The following GOLGA2 variants were observed in gnomAD, a reference collection of about 807,000 sequenced individuals.
GOLGA2 encodes golgin subfamily A member 2.
GOLGA2 carries 49 observed loss-of-function variants against 148.8 expected under a neutral mutation model. The observed-to-expected ratio is 0.33, with a 90% CI of 0.26 to 0.42. GOLGA2 has a LOEUF of 0.42. GOLGA2 is among the 10% of genes least tolerant of loss of function. The probability of loss-of-function intolerance (pLI) is 1.00; values close to 1 mark genes in which losing one functional copy is unlikely to be tolerated. For synonymous variants in GOLGA2, 501 were observed against 511.8 expected (o/e 0.98, Z 0.28); for missense variants, 1,178 against 1,304.6 (o/e 0.90, Z 1.49).
At chr9:128,268,266 C>A (rs1830719617) in intron 4 of GOLGA2, 106 bp from the exon 5 acceptor site, 4 of 1,203,668 alleles carry the variant, frequency 3.3e-6, no homozygotes, top group Non-Finnish European at 4.9e-6. Context: ...TTCAATCTCC[C>A]CAGGCCTCAA....
Position 128,271,876 on chromosome 9 carries a change from G to A in GOLGA2, c.288+909C>T, listed in dbSNP as rs145782230. 1.6e-3 allele frequency among the ~76,000 whole-genome samples: 247 copies of A among 152,166 alleles called. 2 individuals are homozygous for A. In the East Asian group the frequency reaches 0.03, roughly 18 times the overall value. ...ATGAATATGGCTAAATGTCCATTTG[G>A]AGAGATTAGGGGCAGAACGTCTTGG... On this transcript the variant is annotated intron_variant, in intron 3 of 26. Transcript: ENST00000611957. The surrounding 1 kb of genome is among the most constrained non-coding windows in gnomAD (Gnocchi z 4.4).
intron 12 of GOLGA2, among the ~76,000 whole-genome samples, chr9:128,264,528 G>A (rs1263245240): frequency 6.6e-6 from 1 of 152,150 alleles, no homozygotes; most frequent in African/African-American, 2.4e-5. Flanking sequence ...CCGGGTTCAA[G>A]CAATTCTCCT....
In GOLGA2 at chr9:128,260,415, G is replaced by A; in HGVS notation, c.1758+50C>T. On this transcript the variant is annotated intron_variant, in intron 18 of 26. Coordinates refer to ENST00000611957, the MANE Select transcript of GOLGA2 (RefSeq NM_001366244.2). The surrounding 1 kb of genome is among the most constrained non-coding windows in gnomAD (Gnocchi z 4.8). Reference sequence around the variant, plus strand: ...CCCACTTTACAGGTGGGAAAACAAAGGTCTGGAGGGCTAGGGAGGAGGGCG... The same window carrying A: ...CCCACTTTACAGGTGGGAAAACAAAAGTCTGGAGGGCTAGGGAGGAGGGCG... The A allele has an allele frequency of 6.8e-7, 1 of 1,464,746 alleles. No homozygotes were observed. Among genetic ancestry groups the A allele is most frequent in the Non-Finnish European group, 9.5e-7 (1 of 1,056,596 alleles). The allele number at this position is 1,464,746 out of a possible 1,614,324, so 90.7% of individuals were successfully genotyped here.
intron 12 of GOLGA2, 31 bp downstream of exon 12, chr9:128,265,554 G>A (rs947779954): frequency 6.8e-7 from 1 of 1,477,612 alleles, no homozygotes. Flanking sequence ...AAGCCAGTAT[G>A]CCAGGGGACG....
intron 1 of GOLGA2, among the ~76,000 whole-genome samples, 193 bp downstream of exon 1, chr9:128,275,700 G>A (rs1360499013): frequency 6.6e-6 from 1 of 152,154 alleles, no homozygotes; most frequent in Non-Finnish European, 1.5e-5. Context: ...TCACCCGGGG[G>A]CGACTGGCGA....
At position 128,257,318 on chromosome 9, in the gene GOLGA2, C is replaced by T. The variant is rs571441470; in HGVS notation, c.2876-37G>A. On this transcript the variant is annotated intron_variant, in intron 26 of 26. Coordinates refer to ENST00000611957, the MANE Select transcript of GOLGA2 (RefSeq NM_001366244.2). This position sits in a 1 kb window ranked among gnomAD's most constrained non-coding sequence, Gnocchi z 8.0. ...GAGAGGCAGGGCTCTGAGTGCCACG[C>T]GAGCCCTCCCTTACTCCTGCCTGCC... is the stretch of plus-strand genomic sequence containing the variant. 142 of 1,611,506 alleles carry T rather than the reference C, an allele frequency of 8.8e-5. No homozygotes were observed. Among genetic ancestry groups the T allele is most frequent in the Middle Eastern group, 1.9e-4 (1 of 5,252 alleles).
chr9:128,269,334 G>A (rs1309260172), intron 3 of GOLGA2, among the ~76,000 whole-genome samples: 1 of 151,208 alleles, frequency 6.6e-6, no homozygotes, highest in African/African-American at 2.4e-5. Flanking sequence ...CTCTCTGGAG[G>A]TAAAAAGAGG....
In GOLGA2 at chr9:128,261,535, T is replaced by C; in HGVS notation, c.1251A>G (p.Gln417=). Reference sequence around the variant, plus strand: ...TCTCCGCATATTTATCTCTCTCCATTTGTAGTTGTCTAACCGACTCCATTA... The same window carrying C: ...TCTCCGCATATTTATCTCTCTCCATCTGTAGTTGTCTAACCGACTCCATTA... ...GQVMESVRQL[Q]MERDKYAENL... is the part of the protein sequence containing the mutation. Residue 417 remains glutamine, a synonymous_variant, in exon 16 of 27, where the codon CAA becomes CAG. Transcript: ENST00000611957. This position sits in a 1 kb window ranked among gnomAD's most constrained non-coding sequence, Gnocchi z 5.7. 1 of 1,609,046 alleles carries C rather than the reference T, an allele frequency of 6.2e-7. No homozygotes were observed. The highest frequency in any genetic ancestry group is 8.5e-7 in the Non-Finnish European group (1 of 1,175,320).
rs368123013 is a variant in GOLGA2, at chr9:128,260,741, C to A, written c.1482G>T (p.Ala494=). The A allele has an allele frequency of 1.2e-6, 2 of 1,613,040 alleles. No homozygotes were observed. Among genetic ancestry groups the A allele is most frequent in the Admixed American group, 1.7e-5 (1 of 60,012 alleles). ...GPSEVEQQLQ[A]EAEHLRKELE... is the part of the protein sequence containing the mutation. The stretch of plus-strand genomic sequence containing the variant: ...GCTCCTTCCGCAGGTGCTCAGCCTC[C>A]GCTTGTAGCTGCTGCTCCACCTCGG... Residue 494 remains alanine (A), a synonymous_variant, in exon 18 of 27, where the codon GCG becomes GCT. Transcript: ENST00000611957. The surrounding 1 kb of genome is among the most constrained non-coding windows in gnomAD (Gnocchi z 4.8).
chr9:128,260,083 T>C lies in GOLGA2; in HGVS notation c.1865A>G (p.Lys622Arg). ...TGGATGGGGCGGGGTTACCGTTTCC[T>C]TCAGCTCGCTCAGCTTCTCCTGCAG... ...GELQEKLSEL[K>R]ETVELKSQEA... Residue 622 changes from lysine (K) to arginine (R), a missense_variant, in exon 19 of 27, where the codon AAG becomes AGG. Physicochemically the swap from Lys to Arg is conservative, Grantham distance 26. This residue lies in a region of GOLGA2 where 529 missense variants were observed against 521.8 expected (regional missense o/e 1.01). Transcript: ENST00000611957. The surrounding 1 kb of genome is among the most constrained non-coding windows in gnomAD (Gnocchi z 4.8). 1 of 1,607,858 alleles carries C rather than the reference T, an allele frequency of 6.2e-7. No homozygotes were observed. The highest frequency in any genetic ancestry group is 1.1e-5 in the South Asian group (1 of 91,036).
At chr9:128,268,839 G>A (rs2131375189) in intron 3 of GOLGA2, among the ~76,000 whole-genome samples, 1 of 152,342 alleles carries the variant, frequency 6.6e-6, no homozygotes, top group Non-Finnish European at 1.5e-5. Context: ...GGAGGAAGGT[G>A]TGCCAAAGTC....
intron 19 of GOLGA2, 38 bp from the exon 20 acceptor site, chr9:128,259,429 CTGCT>C: frequency 7.4e-7 from 1 of 1,343,380 alleles, no homozygotes; most frequent in Non-Finnish European, 1.0e-6. Context: ...AGGTGGTGGC[CTGCT>C]TCCAGATTCA....
Position 128,273,896 on chromosome 9 carries a change from C to T in GOLGA2, c.161G>A (p.Ser54Asn). The T allele has an allele frequency of 1.2e-6, 2 of 1,613,986 alleles. No homozygotes were observed. The highest frequency in any genetic ancestry group is 1.7e-6 in the Non-Finnish European group (2 of 1,179,842). The change falls in exon 2 of 27, where the codon AGT (serine) becomes AAT (asparagine). Residue 54 changes from serine to asparagine, a missense_variant. Around this residue, in one of 5 missense-constraint regions of GOLGA2, gnomAD observed 158 missense variants for 156.6 expected, o/e 1.01. Coordinates refer to ENST00000611957, the MANE Select transcript of GOLGA2 (RefSeq NM_001366244.2). ...ACCAGAAGTGGTTGTCTCAGGGTTA[C>T]TGCCATTTTTTATTTTCTTCTTCTT... Reference protein sequence around the residue: ...AKKKKKIKNGSNPETTTSGGC... With the variant: ...AKKKKKIKNGNNPETTTSGGC...
In GOLGA2 at chr9:128,260,441, G is replaced by A. The variant is rs772487366; in HGVS notation, c.1758+24C>T. 2.3e-5 allele frequency: 36 copies of A among 1,568,742 alleles called. No individual in the cohort carries two copies. The highest frequency in any genetic ancestry group is 3.0e-5 in the Non-Finnish European group (34 of 1,144,096). On this transcript the variant is annotated intron_variant, in intron 18 of 26. Transcript: ENST00000611957. This position sits in a 1 kb window ranked among gnomAD's most constrained non-coding sequence, Gnocchi z 4.8. The stretch of plus-strand genomic sequence containing the variant: ...GTCTGGAGGGCTAGGGAGGAGGGCG[G>A]GCTCTCCAGGTGGGGCAGCGCACCA...
At position 128,258,863 on chromosome 9, in the gene GOLGA2, T is replaced by C. The variant is rs933285089; in HGVS notation, c.2173+144A>G. ...GCCCTGCTCCCAGGAAGTCACCATA[T>C]TGATGCCGAACTTAGTGTGGACACC... On this transcript the variant is annotated intron_variant, in intron 21 of 26. Transcript: ENST00000611957. This position sits in a 1 kb window ranked among gnomAD's most constrained non-coding sequence, Gnocchi z 6.6. The C allele has an allele frequency of 5.9e-5, 40 of 677,944 alleles. No homozygotes were observed. In the African/African-American group the frequency reaches 6.2e-4, roughly 11 times the overall value. The allele number at this position is 677,944 out of a possible 1,614,324, so 42.0% of individuals were successfully genotyped here.
chr9:128,268,306 G>A (rs184479424), intron 4 of GOLGA2, 114 bp downstream of exon 4: 8 of 1,037,294 alleles, frequency 7.7e-6, no homozygotes, highest in African/African-American at 1.6e-5. Context: ...GCCTTCCCCC[G>A]GCCCGGTCCC....
Position 128,259,193 on chromosome 9 carries a change from C to T in GOLGA2, c.2071G>A (p.Ala691Thr). The T allele has an allele frequency of 6.3e-7, 1 of 1,584,234 alleles. No individual in the cohort carries two copies. Among genetic ancestry groups the T allele is most frequent in the Non-Finnish European group, 8.6e-7 (1 of 1,166,322 alleles). The change falls in exon 20 of 27, where the codon GCC (alanine) becomes ACC (threonine). Residue 691 changes from alanine (A) to threonine (T), a missense_variant. Coordinates refer to ENST00000611957, the MANE Select transcript of GOLGA2 (RefSeq NM_001366244.2). ...EAQGKAVAEM[A>T]RQELQETQER... ...TGGGTTTCCTGCAACTCTTGGCGGG[C>T]CATCTCGGCCACCGCTTTGCCCTGA...
In GOLGA2 at chr9:128,257,018, C is replaced by T; in HGVS notation, c.*49G>A. 1 of 1,370,764 alleles carries T rather than the reference C, an allele frequency of 7.3e-7. No homozygotes were observed. The highest frequency in any genetic ancestry group is 1.2e-5 in the South Asian group (1 of 80,760). The allele number at this position is 1,370,764 out of a possible 1,614,324, so 84.9% of individuals were successfully genotyped here. Reference sequence around the variant, plus strand: ...AGGGATGGTAGGGATATGGTGGGGGCAGGGTATCCAGCCCCACTTCTTCAG... The same window carrying T: ...AGGGATGGTAGGGATATGGTGGGGGTAGGGTATCCAGCCCCACTTCTTCAG... On this transcript the variant is annotated 3_prime_UTR_variant, in exon 27 of 27. Coordinates refer to ENST00000611957, the MANE Select transcript of GOLGA2 (RefSeq NM_001366244.2). This position sits in a 1 kb window ranked among gnomAD's most constrained non-coding sequence, Gnocchi z 8.0.
chr9:128,270,837 G>T (rs1051513240), intron 3 of GOLGA2, among the ~76,000 whole-genome samples: 2 of 152,278 alleles, frequency 1.3e-5, no homozygotes, highest in Admixed American at 6.5e-5. Context: ...CTTGAGGCCA[G>T]GAGTTCGAAA....
Sources: allele counts gnomAD v4.1 joint callset (sites outside exome capture counted in the v4.1 genomes callset), GRCh38; gene constraint gnomAD v4.1.1; regional missense constraint gnomAD v4.1.1; non-coding constraint Gnocchi (gnomAD v3.1); transcripts MANE v1.5; gene names NCBI Gene and HGNC (gene_info 2026-07-23, HGNC 2026-07-21).